Variants in KATNAL1 observed in about 807,000 individuals in gnomAD.
KATNAL1 encodes katanin catalytic subunit A1 like 1, also known as katanin p60 ATPase-containing subunit A-like 1.
A neutral mutation model predicts 55.2 loss-of-function variants in KATNAL1; 32 were observed. The ratio of observed to expected loss-of-function variants is 0.58; its 90% confidence interval spans 0.44 to 0.78. KATNAL1 has a LOEUF of 0.78. Among genes scored for constraint, KATNAL1 ranks in the 30% least tolerant of loss-of-function variants. KATNAL1 has a pLI of 0.00. For synonymous variants in KATNAL1, 193 were observed against 193.6 expected, an observed-to-expected ratio of 1.00 and a Z score of 0.02; for missense variants, 466 against 600.9, an observed-to-expected ratio of 0.78 and a Z score of 2.35.
chr13:30,218,083 G>A (rs1264008046), intron 9 of KATNAL1, among the ~76,000 whole-genome samples: 1 of 152,000 alleles, frequency 6.6e-6, no homozygotes, highest in Non-Finnish European at 1.5e-5. Flanking sequence ...CAACACAGAA[G>A]TAGGAAGAAG....
Position 30,283,611 on chromosome 13 carries a change from C to G in KATNAL1, c.162+5G>C. 1 of 1,613,610 alleles carries G rather than the reference C, an allele frequency of 6.2e-7. No homozygotes were observed. Among genetic ancestry groups the G allele is most frequent in the Non-Finnish European group, 8.5e-7 (1 of 1,179,768 alleles). On this transcript the variant is annotated splice_donor_5th_base_variant and intron_variant, in intron 2 of 10. Transcript: ENST00000380615. ...AACTCATCTAATACTTTAATACCAT[C>G]TTACCTGTTGCCATTTGCCTTTGAT...
intron 4 of KATNAL1, 115 bp downstream of exon 4, chr13:30,255,332 T>G: frequency 1.2e-6 from 1 of 843,558 alleles, no homozygotes; most frequent in Non-Finnish European, 1.7e-6. Flanking sequence ...AATGAGACTT[T>G]TTTCTAACTC....
intron 1 of KATNAL1, 93 bp from the exon 2 acceptor site, chr13:30,283,884 T>A: frequency 1.1e-6 from 1 of 918,242 alleles, no homozygotes; most frequent in Non-Finnish European, 1.6e-6. Context: ...CTACTTTTTT[T>A]TTTTTTTTTG....
At chr13:30,209,717 C>T (rs1873477117) in intron 10 of KATNAL1, among the ~76,000 whole-genome samples, 1 of 152,228 alleles carries the variant, frequency 6.6e-6, no homozygotes, top group Non-Finnish European at 1.5e-5. Context: ...CAGAAAGGCT[C>T]CAACACAAAG....
chr13:30,249,664 G>A (rs916719988), intron 4 of KATNAL1, among the ~76,000 whole-genome samples: 1 of 152,112 alleles, frequency 6.6e-6, no homozygotes, highest in Non-Finnish European at 1.5e-5. Flanking sequence ...GTTCCAAAAT[G>A]GGCATAATTA....
intron 3 of KATNAL1, among the ~76,000 whole-genome samples, chr13:30,260,029 A>G (rs1396827543): frequency 6.6e-6 from 1 of 152,184 alleles, no homozygotes; most frequent in Non-Finnish European, 1.5e-5. Context: ...GAGATCTGAG[A>G]ACAGGCAGAC....
chr13:30,241,153 T>C (rs1256300644), intron 4 of KATNAL1, 67 bp from the exon 5 acceptor site: 7 of 1,351,866 alleles, frequency 5.2e-6, no homozygotes, highest in Non-Finnish European at 7.2e-6. Context: ...CATTACGCTT[T>C]GAAAACATTA....
At chr13:30,241,353 A>T (rs1877261665) in intron 4 of KATNAL1, among the ~76,000 whole-genome samples, 1 of 152,164 alleles carries the variant, frequency 6.6e-6, no homozygotes. Context: ...GCTAGATCCC[A>T]AAAGACTGGG....
rs891824311 is a variant in KATNAL1 at position 30,206,615 on chromosome 13, G to C, written c.*1925C>G. The C allele has an allele frequency of 2.0e-5, 3 of 151,790 alleles. No homozygotes were observed. Among genetic ancestry groups the C allele is most frequent in the Non-Finnish European group, 2.9e-5 (2 of 67,922 alleles). 9.4% of individuals were successfully genotyped at this position (151,790 alleles called of 1,614,324 possible). On this transcript the variant is annotated 3_prime_UTR_variant, in exon 11 of 11. Coordinates refer to ENST00000380615, the MANE Select transcript of KATNAL1 (RefSeq NM_032116.5). ...GAAAAGGTCTAACTAATCAACTATT[G>C]TTAGGCTGGTGCAAAAGTAATTGCG...
Position 30,208,475 on chromosome 13 carries a change from A to T in KATNAL1, c.*65T>A, listed in dbSNP as rs1873355684. 1 of 1,377,098 alleles carries T rather than the reference A, an allele frequency of 7.3e-7. No homozygotes were observed. The highest frequency in any genetic ancestry group is 9.7e-7 in the Non-Finnish European group (1 of 1,035,488). 85.3% of individuals were successfully genotyped at this position (1,377,098 alleles called of 1,614,324 possible). A position where few individuals can be genotyped will look rare whatever the true frequency, so the allele number is the denominator to read the frequency against. On this transcript the variant is annotated 3_prime_UTR_variant, in exon 11 of 11. Coordinates refer to ENST00000380615, the MANE Select transcript of KATNAL1 (RefSeq NM_032116.5). The stretch of plus-strand genomic sequence containing the variant: ...AAAAAATTCCAAACTTGTTTTTTAA[A>T]AATTGCAGGAATTTCTTCGTATTTT...
In KATNAL1 at chr13:30,255,630, A is replaced by C; in HGVS notation, c.324-15T>G. 1 of 1,420,518 alleles carries C rather than the reference A, an allele frequency of 7.0e-7. No homozygotes were observed. 88.0% of individuals were successfully genotyped at this position (1,420,518 alleles called of 1,614,324 possible). ...GAGGTGGAGCTCTGACAAAAAAAAAAAAAAAAAAATTAAAATTAAAATTAA... is the reference window on the plus strand; with the variant it reads ...GAGGTGGAGCTCTGACAAAAAAAAACAAAAAAAAATTAAAATTAAAATTAA... On this transcript the variant is annotated splice_polypyrimidine_tract_variant and intron_variant, in intron 3 of 10. Transcript: ENST00000380615.
chr13:30,217,896 C>T (rs1874448832), intron 9 of KATNAL1, among the ~76,000 whole-genome samples: 1 of 152,118 alleles, frequency 6.6e-6, no homozygotes, highest in Non-Finnish European at 1.5e-5. Context: ...CAGAAGTGTC[C>T]TTTTCCTGAG....
At chr13:30,237,386 G>A (rs1473458531) in intron 6 of KATNAL1, among the ~76,000 whole-genome samples, 3 of 152,166 alleles carry the variant, frequency 2.0e-5, no homozygotes, top group Non-Finnish European at 4.4e-5. Context: ...TGCTAAGATA[G>A]GCTGGATGAT....
chr13:30,306,833 G>A (rs532971775), intron 1 of KATNAL1: 1 of 152,422 alleles, frequency 6.6e-6, no homozygotes, highest in Admixed American at 6.5e-5. Context: ...TGCAGCTTGG[G>A]CGGCTGCTCA....
chr13:30,240,870 A>T, intron 5 of KATNAL1, 89 bp downstream of exon 5: 1 of 1,168,364 alleles, frequency 8.6e-7, no homozygotes, highest in Non-Finnish European at 1.2e-6. Context: ...TAATCAGATT[A>T]ATGAATAACA....
chr13:30,306,457 G>C lies in KATNAL1; in HGVS notation c.-15+874C>G, dbSNP rs573067536. On this transcript the variant is annotated intron_variant, in intron 1 of 10. Transcript: ENST00000380615. The stretch of plus-strand genomic sequence containing the variant: ...TAGGCAGTGTTCAGGCTGGCAAGGG[G>C]GGGGTGGGGTGGAGCACTCATTTCA... 2.6e-5 allele frequency among the ~76,000 whole-genome samples: 4 copies of C among 152,102 alleles called. No homozygotes were observed. In the East Asian group the frequency reaches 5.8e-4, roughly 22 times the overall value.
chr13:30,242,627 G>A (rs1216291373), intron 4 of KATNAL1, among the ~76,000 whole-genome samples: 1 of 152,136 alleles, frequency 6.6e-6, no homozygotes, highest in African/African-American at 2.4e-5. Flanking sequence ...GGGCAGAGGT[G>A]AGTTTGGATT....
intron 4 of KATNAL1, among the ~76,000 whole-genome samples, chr13:30,245,274 A>C (rs1877674391): frequency 6.6e-6 from 1 of 152,212 alleles, no homozygotes; most frequent in African/African-American, 2.4e-5. Context: ...AATGTAATCC[A>C]TCACATAAAC....
intron 3 of KATNAL1, among the ~76,000 whole-genome samples, chr13:30,259,798 G>T (rs1487358680): frequency 2.6e-5 from 4 of 152,166 alleles, no homozygotes; most frequent in Admixed American, 2.6e-4. Context: ...GCTGGGGGAG[G>T]GGCGCCCACC....
Sources: gnomAD v4.1 joint callset for allele counts (sites outside exome capture counted in the v4.1 genomes callset) on GRCh38, gnomAD v4.1.1 for gene constraint, MANE v1.5 for transcripts, NCBI Gene and HGNC (gene_info 2026-07-23, HGNC 2026-07-21) for gene names.